REDIC1: variants seen among roughly 807,000 people sequenced by gnomAD.
REDIC1 encodes regulator of DNA class I crossover intermediates 1, also known as HEI10 Interacting Protein 1.
chr12:39,793,369 G>T, the REDIC1 span, among the ~76,000 whole-genome samples: 1 of 152,094 alleles, frequency 6.6e-6, no homozygotes, highest in Non-Finnish European at 1.5e-5. Flanking sequence ...TTGTTTATGG[G>T]TTTATTGGTA....
chr12:39,698,901 A>G, the REDIC1 span, among the ~76,000 whole-genome samples: 4 of 152,192 alleles, frequency 2.6e-5, no homozygotes, highest in African/African-American at 9.6e-5. Flanking sequence ...AAAACCACAA[A>G]TAAACACCTT....
chr12:39,782,978 G>A, the REDIC1 span, among the ~76,000 whole-genome samples: 10 of 152,128 alleles, frequency 6.6e-5, no homozygotes, highest in African/African-American at 2.2e-4. Context: ...CCATTAACTC[G>A]TCATTTACAT....
chr12:39,642,256 T>C, the REDIC1 span, among the ~76,000 whole-genome samples: 1 of 151,750 alleles, frequency 6.6e-6, no homozygotes, highest in Non-Finnish European at 1.5e-5. Flanking sequence ...CTGGATAATA[T>C]GGGACAAACT....
chr12:39,721,474 G>A, the REDIC1 span: 7 of 441,712 alleles, frequency 1.6e-5, no homozygotes, highest in Admixed American at 8.3e-5. Context: ...TTTGGTATAT[G>A]GTAGAGTTTT....
chr12:39,626,662 C>T, the REDIC1 span, among the ~76,000 whole-genome samples: 3 of 152,124 alleles, frequency 2.0e-5, no homozygotes, highest in Non-Finnish European at 4.4e-5. Flanking sequence ...TGTAATGAGG[C>T]CTTTTAGCAC....
At chr12:39,847,862 C>T in the REDIC1 span, among the ~76,000 whole-genome samples, 1 of 152,086 alleles carries the variant, frequency 6.6e-6, no homozygotes, top group South Asian at 2.1e-4. Flanking sequence ...CAAGTCTACC[C>T]AAGTCTCCAA....
the REDIC1 span, among the ~76,000 whole-genome samples, chr12:39,797,950 T>C: frequency 6.6e-6 from 1 of 152,208 alleles, no homozygotes; most frequent in Admixed American, 6.5e-5. Flanking sequence ...GTTCATGCCC[T>C]TGTGTAGCTC....
the REDIC1 span, among the ~76,000 whole-genome samples, chr12:39,718,778 G>C: frequency 6.6e-6 from 1 of 151,966 alleles, no homozygotes; most frequent in Non-Finnish European, 1.5e-5. Context: ...TGTGTCTGCT[G>C]CTTCTTGGTC....
chr12:39,828,989 A>G, the REDIC1 span, among the ~76,000 whole-genome samples: 11 of 152,180 alleles, frequency 7.2e-5, no homozygotes, highest in African/African-American at 2.7e-4. Context: ...CTCTAATGAA[A>G]CAATTATTGC....
At chr12:39,721,923 T>C in the REDIC1 span, 2 of 152,132 alleles carry the variant, frequency 1.3e-5, no homozygotes, top group Middle Eastern at 3.2e-3. Context: ...AATTTTAGTG[T>C]TGCTAAGATT....
At chr12:39,908,129 T>A in the REDIC1 span, 1 of 151,914 alleles carries the variant, frequency 6.6e-6, no homozygotes, top group African/African-American at 2.4e-5. Context: ...ATTCTGACAA[T>A]GAGGAGACAG....
At chr12:39,652,345 A>G in the REDIC1 span, among the ~76,000 whole-genome samples, 1 of 152,154 alleles carries the variant, frequency 6.6e-6, no homozygotes, top group Admixed American at 6.5e-5. Flanking sequence ...GTATCATTTT[A>G]TATTCCCATT....
At chr12:39,854,705 C>G in the REDIC1 span, among the ~76,000 whole-genome samples, 1 of 152,162 alleles carries the variant, frequency 6.6e-6, no homozygotes, top group African/African-American at 2.4e-5. Context: ...ACTGGCTTCC[C>G]TTCCTCACTC....
chr12:39,698,806 C>T, the REDIC1 span, among the ~76,000 whole-genome samples: 27 of 152,122 alleles, frequency 1.8e-4, no homozygotes, highest in Non-Finnish European at 3.2e-4. Flanking sequence ...AATTGAAACA[C>T]AATATACCAA....
At chr12:39,745,595 A>ATAAT in the REDIC1 span, among the ~76,000 whole-genome samples, 1 of 152,236 alleles carries the variant, frequency 6.6e-6, no homozygotes, top group Non-Finnish European at 1.5e-5. Flanking sequence ...TATAAATGGA[A>ATAAT]TAATTATAAA....
the REDIC1 span, among the ~76,000 whole-genome samples, chr12:39,713,122 T>C: frequency 6.7e-6 from 1 of 150,066 alleles, no homozygotes; most frequent in African/African-American, 2.4e-5. Flanking sequence ...TATGTAGATA[T>C]GTGCATATAC....
the REDIC1 span, among the ~76,000 whole-genome samples, chr12:39,801,777 G>A: frequency 6.6e-6 from 1 of 152,196 alleles, no homozygotes. Context: ...AAATTCACTG[G>A]TTTGTGCAAA....
the REDIC1 span, among the ~76,000 whole-genome samples, chr12:39,635,048 A>G: frequency 6.6e-6 from 1 of 152,362 alleles, no homozygotes; most frequent in East Asian, 1.9e-4. Context: ...AAAAATGCTT[A>G]TCATTACTGG....
At chr12:39,665,687 G>C in the REDIC1 span, among the ~76,000 whole-genome samples, 1 of 150,544 alleles carries the variant, frequency 6.6e-6, no homozygotes, top group Non-Finnish European at 1.5e-5. Flanking sequence ...TCACGATATT[G>C]ATTCTTCCTA....
Sources: allele counts gnomAD v4.1 joint callset (sites outside exome capture counted in the v4.1 genomes callset), GRCh38; gene constraint gnomAD v4.1.1; transcripts MANE v1.5; gene names NCBI Gene and HGNC (gene_info 2026-07-23, HGNC 2026-07-21).